The following OVCH1 variants were observed in gnomAD, a reference collection of about 807,000 sequenced individuals.
The protein encoded by OVCH1 is ovochymase-1.
OVCH1 carries 139 observed loss-of-function variants against 138.4 expected under a neutral mutation model. That is an observed-to-expected ratio of 1.00 (90% CI 0.87 to 1.16). OVCH1 has a LOEUF of 1.16. Among genes scored for constraint, OVCH1 ranks in the 50% most tolerant of loss-of-function variants. The probability of loss-of-function intolerance (pLI) is 0.00; values close to 1 mark genes in which losing one functional copy is unlikely to be tolerated. For synonymous variants in OVCH1, 453 were observed against 467.8 expected (o/e 0.97, Z 0.41); for missense variants, 1,367 against 1,357.9 (o/e 1.01, Z -0.11).
intron 7 of OVCH1, 141 bp downstream of exon 7, chr12:29,487,552 G>A (rs1391758214): frequency 9.5e-6 from 7 of 740,284 alleles, no homozygotes; most frequent in Admixed American, 3.4e-5. Flanking sequence ...GGGTTTCAGA[G>A]ACAAGTATCT....
chr12:29,463,980 T>TGA (rs1222671833), intron 18 of OVCH1, among the ~76,000 whole-genome samples: 1 of 152,110 alleles, frequency 6.6e-6, no homozygotes, highest in East Asian at 1.9e-4. Context: ...TAGCCAGGGG[T>TGA]GAGCACATGA....
chr12:29,404,245 G>T, the OVCH1 span, among the ~76,000 whole-genome samples: 2 of 152,288 alleles, frequency 1.3e-5, no homozygotes, highest in Admixed American at 6.5e-5. Context: ...GTGGTGCAGT[G>T]GGATGGCAGT....
downstream of OVCH1, among the ~76,000 whole-genome samples, chr12:29,412,161 A>G (rs1220528588): frequency 4.6e-5 from 7 of 152,084 alleles, no homozygotes; most frequent in Non-Finnish European, 1.0e-4. Context: ...CCGTTGGAAA[A>G]GCGCAGTACT....
intron 22 of OVCH1, among the ~76,000 whole-genome samples, chr12:29,449,276 TACACACACACACACACAC>T (rs10651165): frequency 0.027 from 3,667 of 137,432 alleles, 139 homozygotes; most frequent in African/African-American, 0.091. Flanking sequence ...CCCCCCTCCC[TACACACACACACACACAC>T]ACACACACAC....
intron 21 of OVCH1, among the ~76,000 whole-genome samples, chr12:29,454,366 A>T (rs750108976): frequency 3.3e-5 from 5 of 152,190 alleles, no homozygotes; most frequent in Non-Finnish European, 5.9e-5. Flanking sequence ...CCATCTTCCT[A>T]CAAGTCTATT....
intron 8 of OVCH1, among the ~76,000 whole-genome samples, chr12:29,481,495 G>C (rs1942932723): frequency 6.6e-6 from 1 of 152,108 alleles, no homozygotes; most frequent in African/African-American, 2.4e-5. Context: ...ATCTACTAAA[G>C]TTGAAGCAAT....
intron 6 of OVCH1, 143 bp from the exon 7 acceptor site, chr12:29,488,025 G>A: frequency 1.3e-6 from 1 of 781,728 alleles, no homozygotes; most frequent in Non-Finnish European, 1.9e-6. Context: ...TCAGCTTTTT[G>A]TTTATCCATT....
chr12:29,444,963 CAAG>C (rs1472829416), intron 23 of OVCH1, among the ~76,000 whole-genome samples: 1 of 152,034 alleles, frequency 6.6e-6, no homozygotes, highest in African/African-American at 2.4e-5. Context: ...TTCTGAGCCA[CAAG>C]AATTTACAGC....
intron 19 of OVCH1, among the ~76,000 whole-genome samples, chr12:29,458,489 T>TC (rs1227235591): frequency 1.3e-5 from 2 of 152,130 alleles, no homozygotes; most frequent in African/African-American, 2.4e-5. Flanking sequence ...TTTGCAAAAG[T>TC]CAAATCAAAA....
intron 8 of OVCH1, chr12:29,478,929 T>G (rs1592098297): frequency 1.3e-6 from 2 of 1,524,582 alleles, no homozygotes; most frequent in African/African-American, 2.8e-5. Flanking sequence ...TTATCAGGAT[T>G]ATTTTATCTT....
Position 29,451,332 on chromosome 12 carries a change from C to T in OVCH1, c.2755+13G>A. On this transcript the variant is annotated intron_variant, in intron 22 of 27. Transcript: ENST00000318184. ...GACTCCTAGCACGAAGTTTATATGC[C>T]AGGAAGGATTACCTGCCGTCTTTCT... 3.7e-6 allele frequency: 6 copies of T among 1,602,066 alleles called. No homozygotes were observed. Among genetic ancestry groups the T allele is most frequent in the Non-Finnish European group, 5.1e-6 (6 of 1,171,532 alleles).
chr12:29,446,102 T>C (rs1318561161), intron 22 of OVCH1, among the ~76,000 whole-genome samples: 3 of 152,150 alleles, frequency 2.0e-5, no homozygotes, highest in African/African-American at 7.2e-5. Flanking sequence ...AGTTCTTCCA[T>C]TTAAGATAGC....
chr12:29,470,950 T>C (rs1018737077), intron 16 of OVCH1, among the ~76,000 whole-genome samples: 6 of 152,224 alleles, frequency 3.9e-5, no homozygotes, highest in Non-Finnish European at 8.8e-5. Flanking sequence ...GGTTTTGATT[T>C]GCATTTCTCT....
At chr12:29,462,096 T>A (rs891210032) in intron 18 of OVCH1, 88 bp from the exon 19 acceptor site, 100 of 1,399,284 alleles carry the variant, frequency 7.1e-5, no homozygotes, top group Non-Finnish European at 9.1e-5. Flanking sequence ...TGTAGCTCTG[T>A]ACCAACATAG....
At chr12:29,486,488 C>T in intron 7 of OVCH1, 140 bp from the exon 8 acceptor site, 2 of 662,650 alleles carry the variant, frequency 3.0e-6, no homozygotes, top group Non-Finnish European at 4.9e-6. Context: ...TTCTCAGAGT[C>T]AGTAACCCAC....
intron 21 of OVCH1, among the ~76,000 whole-genome samples, chr12:29,453,918 T>C (rs2135949747): frequency 6.6e-6 from 1 of 152,282 alleles, no homozygotes; most frequent in South Asian, 2.1e-4. Flanking sequence ...TACTATATCT[T>C]TCTAGTTCAC....
chr12:29,436,124 AAATTTAT>A (rs1941354628), intron 26 of OVCH1, among the ~76,000 whole-genome samples: 1 of 152,038 alleles, frequency 6.6e-6, no homozygotes, highest in African/African-American at 2.4e-5. Context: ...ATGGCTGCAT[AAATTTAT>A]AATTTATATT....
At chr12:29,409,415 G>A (rs185304655), downstream of OVCH1, among the ~76,000 whole-genome samples, 38 of 151,908 alleles carry the variant, frequency 2.5e-4, no homozygotes, top group African/African-American at 8.9e-4. Flanking sequence ...GTCAATTTTG[G>A]ATCTTTCCTG....
chr12:29,451,930 C>G (rs910428710), intron 21 of OVCH1, among the ~76,000 whole-genome samples: 16 of 152,190 alleles, frequency 1.1e-4, no homozygotes, highest in African/African-American at 3.9e-4. Flanking sequence ...ATTAGCTGAA[C>G]TTGCTGGGAC....
Sources: allele counts gnomAD v4.1 joint callset (sites outside exome capture counted in the v4.1 genomes callset), GRCh38; gene constraint gnomAD v4.1.1; transcripts MANE v1.5; gene names NCBI Gene and HGNC (gene_info 2026-07-23, HGNC 2026-07-21).